The following DTNA variants were observed in gnomAD, a reference collection of about 807,000 sequenced individuals.
DTNA encodes the protein dystrophin-related protein 3.
Under a neutral mutation model 100.7 loss-of-function variants are expected in DTNA, and 43 were observed. That is an observed-to-expected ratio of 0.43 (90% CI 0.33 to 0.55). The LOEUF is 0.55. DTNA is among the 20% of genes least tolerant of loss of function. DTNA has a pLI of 0.04. For missense variants in DTNA, 798 were observed against 953.9 expected, an observed-to-expected ratio of 0.84 and a Z score of 2.15; for synonymous variants, 349 against 347.9, an observed-to-expected ratio of 1.00 and a Z score of -0.04.
chr18:34,557,998 C>G (rs949281884), intron 1 of DTNA: 3 of 152,780 alleles, frequency 2.0e-5, no homozygotes, highest in Admixed American at 6.5e-5. Flanking sequence ...TGATCTCAGA[C>G]TGCTGTGCTA....
intron 1 of DTNA, among the ~76,000 whole-genome samples, chr18:34,621,528 C>T (rs998185128): frequency 1.3e-5 from 2 of 151,868 alleles, no homozygotes; most frequent in Non-Finnish European, 2.9e-5. Flanking sequence ...TATGTAACAA[C>T]GTGGATGAAC....
intron 1 of DTNA, among the ~76,000 whole-genome samples, chr18:34,712,510 T>G (rs911212980): frequency 6.6e-6 from 1 of 152,172 alleles, no homozygotes; most frequent in Admixed American, 6.5e-5. Context: ...ATTTCTGTGA[T>G]CTTTATTCAT....
At chr18:34,882,231 C>T in intron 21 of DTNA, 30 bp downstream of exon 21, 8 of 1,612,126 alleles carry the variant, frequency 5.0e-6, no homozygotes, top group Non-Finnish European at 5.9e-6. Flanking sequence ...CCCCACCCCA[C>T]CTCTTCTGCC....
At chr18:34,525,220 A>G (rs12958068) in intron 1 of DTNA, among the ~76,000 whole-genome samples, 11,924 of 152,124 alleles carry the variant, frequency 0.078, 658 homozygotes, top group Non-Finnish European at 0.12. Context: ...TCCACTCTCT[A>G]GGACATCAGG....
chr18:34,531,897 A>T (rs1001313731), intron 1 of DTNA, among the ~76,000 whole-genome samples: 2 of 152,152 alleles, frequency 1.3e-5, no homozygotes, highest in Non-Finnish European at 2.9e-5. Context: ...CCTCCCTCAG[A>T]GTTGAAAAAA....
intron 1 of DTNA, among the ~76,000 whole-genome samples, chr18:34,517,865 A>C (rs1330598442): frequency 6.6e-6 from 1 of 152,124 alleles, no homozygotes; most frequent in Non-Finnish European, 1.5e-5. Context: ...AGGACATCTC[A>C]GTTTTTTCCA....
In DTNA at chr18:34,890,486, T is replaced by A. The variant is rs1471005708; in HGVS notation, c.*2752T>A. On this transcript the variant is annotated 3_prime_UTR_variant, in exon 23 of 23. Coordinates refer to ENST00000444659, the MANE Select transcript of DTNA (RefSeq NM_001386795.1). ...ACTTGTCCTGTCCATTAGATACAAC[T>A]ACATCTTGCGGGGGTTGTTTCTTTC... 6.5e-7 allele frequency: 1 copy of A among 1,534,776 alleles called. No individual in the cohort carries two copies. Among genetic ancestry groups the A allele is most frequent in the Non-Finnish European group, 8.7e-7 (1 of 1,146,046 alleles).
chr18:34,510,206 C>CA (rs2040916535), intron 1 of DTNA, among the ~76,000 whole-genome samples: 2 of 151,446 alleles, frequency 1.3e-5, no homozygotes, highest in Admixed American at 1.3e-4. Flanking sequence ...TGCTCCTGCC[C>CA]ATTTATGAAC....
chr18:34,569,971 G>A (rs1254272514), intron 1 of DTNA, among the ~76,000 whole-genome samples: 1 of 152,066 alleles, frequency 6.6e-6, no homozygotes, highest in Non-Finnish European at 1.5e-5. Context: ...GCCCAGCCAA[G>A]TTGATACATA....
chr18:34,696,919 C>T (rs2080648487), intron 1 of DTNA, among the ~76,000 whole-genome samples: 1 of 152,170 alleles, frequency 6.6e-6, no homozygotes, highest in African/African-American at 2.4e-5. Flanking sequence ...CCAGGAGCAG[C>T]TTAGCTGTCC....
chr18:34,630,161 T>A (rs1255215370), intron 1 of DTNA, among the ~76,000 whole-genome samples: 1 of 152,158 alleles, frequency 6.6e-6, no homozygotes, highest in Admixed American at 6.5e-5. Context: ...TTTTTTTTAA[T>A]CACAACCCTA....
At chr18:34,597,762 C>T (rs1260687369) in intron 1 of DTNA, among the ~76,000 whole-genome samples, 2 of 151,986 alleles carry the variant, frequency 1.3e-5, no homozygotes, top group Non-Finnish European at 2.9e-5. Flanking sequence ...GTCTACCTTT[C>T]CCCACCGCCC....
At chr18:34,840,887 A>G (rs1413426350) in intron 13 of DTNA, among the ~76,000 whole-genome samples, 1 of 151,936 alleles carries the variant, frequency 6.6e-6, no homozygotes, top group Non-Finnish European at 1.5e-5. Flanking sequence ...ACAATTCCTC[A>G]TACCTGTCAT....
At chr18:34,682,829 T>G (rs1369312748) in intron 1 of DTNA, among the ~76,000 whole-genome samples, 1 of 152,122 alleles carries the variant, frequency 6.6e-6, no homozygotes, top group African/African-American at 2.4e-5. Context: ...AGGTTTGTTT[T>G]TTTAAAAACT....
At chr18:34,651,231 T>G (rs2143889647) in intron 1 of DTNA, among the ~76,000 whole-genome samples, 1 of 152,342 alleles carries the variant, frequency 6.6e-6, no homozygotes, top group Admixed American at 6.5e-5. Context: ...AATGGCCACA[T>G]TTTGTTAATG....
intron 1 of DTNA, among the ~76,000 whole-genome samples, chr18:34,667,999 G>A (rs2076185365): frequency 6.6e-6 from 1 of 152,182 alleles, no homozygotes; most frequent in Non-Finnish European, 1.5e-5. Flanking sequence ...CAGAAGGAAT[G>A]GTACCAGCTC....
At chr18:34,508,408 T>G (rs1230065283) in intron 1 of DTNA, among the ~76,000 whole-genome samples, 2 of 152,176 alleles carry the variant, frequency 1.3e-5, no homozygotes, top group African/African-American at 2.4e-5. Flanking sequence ...GCTGGCATTT[T>G]TCTCTGGGGT....
chr18:34,672,039 T>C lies in DTNA; in HGVS notation c.-1-83937T>C, dbSNP rs902170168. 5.3e-5 allele frequency among the ~76,000 whole-genome samples: 8 copies of C among 152,164 alleles called. 1 individual carries two copies. Among genetic ancestry groups the C allele is most frequent in the Admixed American group, 3.3e-4 (5 of 15,272 alleles). ...TAACCTGCAAAATTCAATTTAATTC[T>C]TTTTTTGGCCAATTTGGTGGGTATA... On this transcript the variant is annotated intron_variant, in intron 1 of 19. Transcript: ENST00000283365.
chr18:34,634,108 G>C (rs1450303993), intron 1 of DTNA, among the ~76,000 whole-genome samples: 1 of 152,170 alleles, frequency 6.6e-6, no homozygotes, highest in Non-Finnish European at 1.5e-5. Flanking sequence ...TTGAGGTTGA[G>C]ATTTGGAAGA....
Sources: allele counts gnomAD v4.1 joint callset (sites outside exome capture counted in the v4.1 genomes callset), GRCh38; gene constraint gnomAD v4.1.1; transcripts MANE v1.5; gene names NCBI Gene and HGNC (gene_info 2026-07-23, HGNC 2026-07-21).